Variants in RDM1 observed in about 807,000 individuals in gnomAD.
RDM1 encodes the protein RAD52 motif-containing protein 1.
A neutral mutation model predicts 27.7 loss-of-function variants in RDM1; 28 were observed. That is an observed-to-expected ratio of 1.01 (90% CI 0.75 to 1.39). RDM1 has a LOEUF of 1.39. Ranked by LOEUF, RDM1 falls within the 40% of genes most tolerant of loss-of-function variation. The pLI is 0.00. For synonymous variants in RDM1, 124 were observed against 127.5 expected (o/e 0.97, Z 0.19); for missense variants, 277 against 337.3 (o/e 0.82, Z 1.40).
chr17:35,922,365 C>T (rs2088974334), intron 5 of RDM1: 1 of 562,004 alleles, frequency 1.8e-6, no homozygotes, highest in South Asian at 3.2e-5. Context: ...AGTCTTTTCA[C>T]ATCTGTAAAC....
At position 35,922,558 on chromosome 17, in the gene RDM1, A is replaced by T. The variant is rs752309629; in HGVS notation, c.667+19T>A. ...TTACTGAAACTGAAGTACTTCAAGG[A>T]TGATCAAGACAGTCTTACCTAGAAC... On this transcript the variant is annotated intron_variant, in intron 5 of 6. Transcript: ENST00000620284. 6.2e-7 allele frequency: 1 copy of T among 1,603,550 alleles called. No individual in the cohort carries two copies. The highest frequency in any genetic ancestry group is 8.5e-7 in the Non-Finnish European group (1 of 1,177,430).
chr17:35,926,703 G>A (rs889457525), intron 2 of RDM1, among the ~76,000 whole-genome samples: 4 of 151,952 alleles, frequency 2.6e-5, no homozygotes, highest in South Asian at 2.1e-4. Flanking sequence ...GCGCCTGGCC[G>A]TAAAGTTAAT....
chr17:35,928,500 C>T (rs1353416257), intron 2 of RDM1, among the ~76,000 whole-genome samples: 3 of 152,290 alleles, frequency 2.0e-5, no homozygotes, highest in East Asian at 3.9e-4. Flanking sequence ...CGGTGGCTCA[C>T]GCTTGTAATC....
chr17:35,926,130 C>CAAA (rs200784841), intron 2 of RDM1, among the ~76,000 whole-genome samples: 2 of 104,064 alleles, frequency 1.9e-5, no homozygotes, highest in Non-Finnish European at 2.1e-5. Context: ...GAGACTGTCT[C>CAAA]AAAAAAAAAA....
intron 2 of RDM1, 134 bp from the exon 3 acceptor site, chr17:35,925,771 A>C (rs1378316934): frequency 1.0e-6 from 1 of 979,622 alleles, no homozygotes; most frequent in African/African-American, 1.6e-5. Flanking sequence ...TTCCTGCTTG[A>C]GAATATGACC....
Position 35,919,641 on chromosome 17 carries a change from T to C in RDM1, c.753+546A>G, listed in dbSNP as rs115175143. On this transcript the variant is annotated intron_variant, in intron 6 of 6. Transcript: ENST00000620284. ...TAGGGATAGCTCCATTATACTCTTA[T>C]GGAACCACCATCATATATGTGGTCT... is the stretch of plus-strand genomic sequence containing the variant. 8.6e-3 allele frequency among the ~76,000 whole-genome samples: 1,311 copies of C among 152,364 alleles called. 17 individuals are homozygous for C. Among genetic ancestry groups the C allele is most frequent in the African/African-American group, 0.03 (1,235 of 41,584 alleles).
At chr17:35,926,186 AGG>A (rs1491025541) in intron 2 of RDM1, among the ~76,000 whole-genome samples, 12 of 151,926 alleles carry the variant, frequency 7.9e-5, no homozygotes, top group African/African-American at 2.4e-4. Flanking sequence ...TGCAACTGAA[AGG>A]AGAGGTATAT....
intron 4 of RDM1, among the ~76,000 whole-genome samples, chr17:35,923,177 C>T (rs1248326081): frequency 6.6e-6 from 1 of 151,878 alleles, no homozygotes; most frequent in African/African-American, 2.4e-5. Context: ...ATGGTGAAAC[C>T]CTGTCTCTAC....
At chr17:35,922,764 T>C in intron 4 of RDM1, 89 bp from the exon 5 acceptor site, 1 of 1,104,096 alleles carries the variant, frequency 9.1e-7, no homozygotes, top group Non-Finnish European at 1.3e-6. Flanking sequence ...TCCACGATTC[T>C]TAGCTCAAAA....
chr17:35,927,115 CAAAA>C (rs955692533), intron 2 of RDM1, among the ~76,000 whole-genome samples: 63 of 75,498 alleles, frequency 8.3e-4, no homozygotes, highest in African/African-American at 2.1e-3. Flanking sequence ...TTCATTTCAC[CAAAA>C]AAAAAAAAAA....
chr17:35,921,918 C>CTTT (rs755056334), intron 5 of RDM1, among the ~76,000 whole-genome samples: 55 of 116,004 alleles, frequency 4.7e-4, no homozygotes, highest in Non-Finnish European at 5.9e-4. Flanking sequence ...ATTAAAAAAT[C>CTTT]TTTTTTTTTT....
chr17:35,924,254 A>T (rs187713337), intron 4 of RDM1, among the ~76,000 whole-genome samples: 5 of 151,940 alleles, frequency 3.3e-5, no homozygotes, highest in Admixed American at 2.0e-4. Flanking sequence ...AAAAATCTTT[A>T]GATGGTTTTG....
intron 4 of RDM1, among the ~76,000 whole-genome samples, chr17:35,923,827 C>G (rs2089039057): frequency 6.6e-6 from 1 of 152,032 alleles, no homozygotes; most frequent in Non-Finnish European, 1.5e-5. Context: ...AACTGAGTAC[C>G]CTTTCTAGGT....
chr17:35,920,071 A>T, intron 6 of RDM1, 116 bp downstream of exon 6: 1 of 576,102 alleles, frequency 1.7e-6, no homozygotes, highest in South Asian at 2.0e-5. Flanking sequence ...ACTCAAAAGT[A>T]GTATCAGTTT....
chr17:35,920,447 TC>T, intron 5 of RDM1, among the ~76,000 whole-genome samples, 175 bp from the exon 6 acceptor site: 2 of 145,240 alleles, frequency 1.4e-5, no homozygotes, highest in Admixed American at 6.9e-5. Context: ...TTTCTTTCTT[TC>T]TTTCTTTCTT....
At position 35,930,142 on chromosome 17, in the gene RDM1, T is replaced by C. The variant is rs2089278928; in HGVS notation, c.210A>G (p.Ala70=). ...CCTTTTGGGCTCTGTGGGCAGCCCT[T>C]GCAGAATAAAACTTAATGACGGCAT... ...GFYAVIKFYS[A]RAAHRAQKAC... is the part of the protein sequence containing the mutation. Residue 70 remains alanine (A), a synonymous_variant, in exon 2 of 7, where the codon GCA becomes GCG. Transcript: ENST00000620284. 1.9e-6 allele frequency: 3 copies of C among 1,614,068 alleles called. No individual in the cohort carries two copies. The highest frequency in any genetic ancestry group is 2.5e-6 in the Non-Finnish European group (3 of 1,180,038).
intron 1 of RDM1, 79 bp from the exon 2 acceptor site, chr17:35,930,334 C>G: frequency 1.3e-6 from 2 of 1,568,064 alleles, no homozygotes; most frequent in Non-Finnish European, 1.8e-6. Flanking sequence ...ATTCCCCAAA[C>G]CTCTCTTCGC....
chr17:35,921,919 T>G (rs2088955327), intron 5 of RDM1, among the ~76,000 whole-genome samples: 5 of 93,364 alleles, frequency 5.4e-5, no homozygotes, highest in Admixed American at 1.3e-4. Flanking sequence ...TTAAAAAATC[T>G]TTTTTTTTTT....
At chr17:35,921,502 G>T (rs530473542) in intron 5 of RDM1, among the ~76,000 whole-genome samples, 1 of 152,296 alleles carries the variant, frequency 6.6e-6, no homozygotes, top group South Asian at 2.1e-4. Flanking sequence ...TGCCACTGTA[G>T]AACTCAATAG....
Sources: allele counts gnomAD v4.1 joint callset (sites outside exome capture counted in the v4.1 genomes callset), GRCh38; gene constraint gnomAD v4.1.1; transcripts MANE v1.5; gene names NCBI Gene and HGNC (gene_info 2026-07-23, HGNC 2026-07-21).